TRAPPC14: variants seen among roughly 807,000 people sequenced by gnomAD.
TRAPPC14 encodes trafficking protein particle complex subunit 14.
Under a neutral mutation model 56.6 loss-of-function variants are expected in TRAPPC14, and 24 were observed. The observed-to-expected ratio is 0.42, with a 90% CI of 0.31 to 0.60. The LOEUF is 0.60. Among genes scored for constraint, TRAPPC14 ranks in the 20% least tolerant of loss-of-function variants. The pLI, the probability that TRAPPC14 is intolerant of heterozygous loss-of-function variation, is 0.14. For synonymous variants in TRAPPC14, 377 were observed against 347.0 expected, an observed-to-expected ratio of 1.09 and a Z score of -0.96; for missense variants, 615 against 790.3, an observed-to-expected ratio of 0.78 and a Z score of 2.66.
At position 100,155,362 on chromosome 7, in the gene TRAPPC14, T is replaced by C; in HGVS notation, c.1489A>G (p.Ser497Gly). The stretch of plus-strand genomic sequence containing the variant: ...ACCAAGTCCCGGACAGCAGGGCTGC[T>C]GGGGCTGCTCTTGCGGGAGAGGGGC... ...ARPLSRKSSP[S>G]SPAVRDLVER... Residue 497 changes from serine to glycine, a missense_variant, in exon 10 of 11, where the codon AGC (serine) becomes GGC (glycine). Transcript: ENST00000316937. 6.4e-7 allele frequency: 1 copy of C among 1,550,576 alleles called. No homozygotes were observed. The highest frequency in any genetic ancestry group is 2.4e-5 in the East Asian group (1 of 40,986).
chr7:100,157,302 C>T, intron 4 of TRAPPC14, 71 bp downstream of exon 4: 1 of 1,613,218 alleles, frequency 6.2e-7, no homozygotes, highest in Non-Finnish European at 8.5e-7. Flanking sequence ...CCCCACCAGC[C>T]TGCCCAGAGG....
intron 8 of TRAPPC14, chr7:100,156,094 G>T: frequency 1.5e-6 from 1 of 645,360 alleles, no homozygotes. Context: ...GAGAGGTTAA[G>T]TAACTTATTC....
Position 100,154,961 on chromosome 7 carries a change from TG to T in TRAPPC14, c.*49del, listed in dbSNP as rs769248116. On this transcript the variant is annotated 3_prime_UTR_variant, in exon 11 of 11. Transcript: ENST00000316937. ...ACAGCCCGGGAGCAGGGATCCCCTC[TG>T]GGGGCGTTGGGTCTCTGGAGTGTAA... The T allele has an allele frequency of 6.0e-5, 96 of 1,601,234 alleles. No homozygotes were observed. Among genetic ancestry groups the T allele is most frequent in the Non-Finnish European group, 8.2e-5 (96 of 1,168,582 alleles).
intron 1 of TRAPPC14, 70 bp from the exon 2 acceptor site, chr7:100,158,008 C>A (rs1425706930): frequency 2.8e-6 from 4 of 1,439,982 alleles, no homozygotes; most frequent in Non-Finnish European, 3.7e-6. Flanking sequence ...CCCTTTAAGA[C>A]CGGCAGTTCA....
rs768834556 is a variant in TRAPPC14 at position 100,158,371 on chromosome 7, A to G, written c.129T>C (p.Thr43=). The G allele has an allele frequency of 6.7e-7, 1 of 1,492,192 alleles. No individual in the cohort carries two copies. Among genetic ancestry groups the G allele is most frequent in the Non-Finnish European group, 8.9e-7 (1 of 1,124,080 alleles). The allele number at this position is 1,492,192 out of a possible 1,614,324, so 92.4% of individuals were successfully genotyped here. A position where few individuals can be genotyped will look rare whatever the true frequency, so the allele number is the denominator to read the frequency against. ...PRRNHLYLGE[T]VRFLLVLRCR... ...AGCGCAACACCAGCAGAAAACGGAC[A>G]GTCTCCCCCAAGTACAGATGGTTGC... The change falls in exon 1 of 11, where the codon ACT becomes ACC. Residue 43 remains threonine (T), a synonymous_variant. Transcript: ENST00000316937.
At chr7:100,157,981 G>A in intron 1 of TRAPPC14, 43 bp from the exon 2 acceptor site, 2 of 1,497,782 alleles carry the variant, frequency 1.3e-6, no homozygotes, top group South Asian at 1.3e-5. Context: ...GCAAGTCAGA[G>A]GCAGCCTGCA....
chr7:100,156,335 C>T lies in TRAPPC14; in HGVS notation c.1240+51G>A, dbSNP rs1348860720. On this transcript the variant is annotated intron_variant, in intron 8 of 10. Transcript: ENST00000316937. ...ACTGTCCTGCCTCCCTGACTTTTTC[C>T]TTTCTCTTCCCCTCCCTGGGGACCA... 11 of 1,592,846 alleles carry T rather than the reference C, an allele frequency of 6.9e-6. No individual in the cohort carries two copies. In the Admixed American group the frequency reaches 1.4e-4, roughly 20 times the overall value.
In TRAPPC14 at chr7:100,155,408, G is replaced by A; in HGVS notation, c.1443C>T (p.Ser481=). The A allele has an allele frequency of 6.5e-7, 1 of 1,543,304 alleles. No individual in the cohort carries two copies. The highest frequency in any genetic ancestry group is 8.7e-7 in the Non-Finnish European group (1 of 1,143,114). Residue 481 remains serine (S), a synonymous_variant, in exon 10 of 11, where the codon TCC becomes TCT. Transcript: ENST00000316937. ...KLKLQFTASV[S]HPPPEARPLS... ...GGGGCCGGGCCTCGGGTGGAGGGTGGGACACGCTGGCGGTGAACTGCAGCT... is the reference window on the plus strand; with the variant it reads ...GGGGCCGGGCCTCGGGTGGAGGGTGAGACACGCTGGCGGTGAACTGCAGCT...
Position 100,157,468 on chromosome 7 carries a change from G to A in TRAPPC14, c.638-9C>T, listed in dbSNP as rs201881237. ...AGTCAGCAGCGTGCTCACTGCGGGA[G>A]GGGGTGGGGGCAAGAAGTGATGGTC... On this transcript the variant is annotated splice_polypyrimidine_tract_variant and intron_variant, in intron 3 of 10. Coordinates refer to ENST00000316937, the MANE Select transcript of TRAPPC14 (RefSeq NM_018275.5). 9 of 1,610,996 alleles carry A rather than the reference G, an allele frequency of 5.6e-6. No homozygotes were observed. The Admixed American group carries it at 8.3e-5, about 15-fold the overall frequency.
At position 100,156,264 on chromosome 7, in the gene TRAPPC14, C is replaced by T. The variant is rs1014403068; in HGVS notation, c.1240+122G>A. 6.2e-6 allele frequency: 6 copies of T among 971,140 alleles called. No individual in the cohort carries two copies. In the Admixed American group the frequency reaches 1.4e-4, roughly 23 times the overall value. 60.2% of individuals were successfully genotyped at this position (971,140 alleles called of 1,614,324 possible). ...GGTACAGGGCGGAAGCCACCTGCCA[C>T]AAGTCGCCTCCTGTGATGGGGCTGG... is the stretch of plus-strand genomic sequence containing the variant. On this transcript the variant is annotated intron_variant, in intron 8 of 10. Transcript: ENST00000316937.
chr7:100,155,388 C>A lies in TRAPPC14; in HGVS notation c.1463G>T (p.Arg488Leu), dbSNP rs373416018. The A allele has an allele frequency of 1.9e-6, 3 of 1,547,780 alleles. No individual in the cohort carries two copies. Among genetic ancestry groups the A allele is most frequent in the Non-Finnish European group, 2.6e-6 (3 of 1,145,686 alleles). ...ASVSHPPPEA[R>L]PLSRKSSPSS... is the part of the protein sequence containing the mutation. ...GGGGCTGCTCTTGCGGGAGAGGGGC[C>A]GGGCCTCGGGTGGAGGGTGGGACAC... The change falls in exon 10 of 11, where the codon CGG becomes CTG. Residue 488 changes from arginine to leucine, a missense_variant. Transcript: ENST00000316937.
In TRAPPC14 at chr7:100,157,602, T is replaced by C. The variant is rs760448846; in HGVS notation, c.637+31A>G. The C allele has an allele frequency of 4.2e-5, 67 of 1,613,096 alleles. 1 individual carries two copies. The South Asian group carries it at 4.6e-4, about 11-fold the overall frequency. On this transcript the variant is annotated intron_variant, in intron 3 of 10. Coordinates refer to ENST00000316937, the MANE Select transcript of TRAPPC14 (RefSeq NM_018275.5). ...CCTCTGTCCCCCAATTCCCAGACTC[T>C]AGCCCTTTGCCTCTGCGCTGCCCTG...
Position 100,155,420 on chromosome 7 carries a change from G to A in TRAPPC14, c.1431C>T (p.Thr477=), listed in dbSNP as rs544128104. ...SQHMKLKLQF[T]ASVSHPPPEA... ...CGGGTGGAGGGTGGGACACGCTGGC[G>A]GTGAACTGCAGCTTCAGTTTCATGT... Residue 477 remains threonine (T), a synonymous_variant, in exon 10 of 11, where the codon ACC becomes ACT. Coordinates refer to ENST00000316937, the MANE Select transcript of TRAPPC14 (RefSeq NM_018275.5). 1.8e-5 allele frequency: 28 copies of A among 1,534,448 alleles called. No homozygotes were observed. The highest frequency in any genetic ancestry group is 1.2e-4 in the East Asian group (5 of 40,932).
At position 100,154,986 on chromosome 7, in the gene TRAPPC14, AAG is replaced by A; in HGVS notation, c.*23_*24del. ...TGGGGGCGTTGGGTCTCTGGAGTGT[AAG>A]AGGGAACAGAGCTGGCACGGTGCTA... On this transcript the variant is annotated 3_prime_UTR_variant, in exon 11 of 11. Transcript: ENST00000316937. 6.2e-7 allele frequency: 1 copy of A among 1,613,422 alleles called. No homozygotes were observed. Among genetic ancestry groups the A allele is most frequent in the Non-Finnish European group, 8.5e-7 (1 of 1,179,382 alleles).
Position 100,156,483 on chromosome 7 carries a change from C to T in TRAPPC14, c.1143G>A (p.Arg381=), listed in dbSNP as rs1204554321. 3.1e-6 allele frequency: 5 copies of T among 1,614,094 alleles called. No homozygotes were observed. Among genetic ancestry groups the T allele is most frequent in the Non-Finnish European group, 3.4e-6 (4 of 1,180,018 alleles). Residue 381 remains arginine, a synonymous_variant, in exon 8 of 11, where the codon CGG becomes CGA. Transcript: ENST00000316937. The part of the protein sequence containing the change: ...VMTASCKSPV[R]TYERFTVTYT... ...AGGTGACAGTGAAACGCTCGTAGGTCCGAACAGGGGACTTACAAGAAGCGG... is the reference window on the plus strand; with the variant it reads ...AGGTGACAGTGAAACGCTCGTAGGTTCGAACAGGGGACTTACAAGAAGCGG...
chr7:100,154,959 T>C lies in TRAPPC14; in HGVS notation c.*52A>G, dbSNP rs533264696. On this transcript the variant is annotated 3_prime_UTR_variant, in exon 11 of 11. Coordinates refer to ENST00000316937, the MANE Select transcript of TRAPPC14 (RefSeq NM_018275.5). ...GCACAGCCCGGGAGCAGGGATCCCC[T>C]CTGGGGGCGTTGGGTCTCTGGAGTG... The C allele has an allele frequency of 2.5e-6, 4 of 1,598,272 alleles. No individual in the cohort carries two copies. The South Asian group carries it at 4.4e-5, about 18-fold the overall frequency.
In TRAPPC14 at chr7:100,158,167, C is replaced by T. The variant is rs547098948; in HGVS notation, c.333G>A (p.Gly111=). 7 of 1,449,274 alleles carry T rather than the reference C, an allele frequency of 4.8e-6. No individual in the cohort carries two copies. In the South Asian group the frequency reaches 9.7e-5, roughly 20 times the overall value. 89.8% of individuals were successfully genotyped at this position (1,449,274 alleles called of 1,614,324 possible). The change falls in exon 1 of 11, where the codon GGG becomes GGA. Residue 111 remains glycine, a synonymous_variant. Transcript: ENST00000316937. ...TGCAGCCTCGGAACAAACCCCCACC[C>T]CCAGGATCCCCTCCCCCTGGGGGCT... The part of the protein sequence containing the change: ...DSEPPGGGDP[G]GGGLFRGCSP...
chr7:100,158,653 G>T lies in TRAPPC14; in HGVS notation c.-154C>A, dbSNP rs1798938975. The stretch of plus-strand genomic sequence containing the variant: ...GGCCCGGTCCCGGCACCGGGGCAAC[G>T]AACCCGAACCGAGACCCGGCAGCGC... On this transcript the variant is annotated 5_prime_UTR_variant, in exon 1 of 11. Transcript: ENST00000316937. 10 of 685,752 alleles carry T rather than the reference G, an allele frequency of 1.5e-5. No homozygotes were observed. The South Asian group carries it at 2.6e-4, about 18-fold the overall frequency. 42.5% of individuals were successfully genotyped at this position (685,752 alleles called of 1,614,324 possible).
chr7:100,155,772 C>A lies in TRAPPC14; in HGVS notation c.1294G>T (p.Val432Phe). The change falls in exon 9 of 11, where the codon GTC becomes TTC. Residue 432 changes from valine (V) to phenylalanine (F), a missense_variant. Val to Phe is a conservative substitution (Grantham distance 50). Coordinates refer to ENST00000316937, the MANE Select transcript of TRAPPC14 (RefSeq NM_018275.5). ...TTGTTGAGGGGCGTGTGGCAGACGA[C>A]GGAGTCCAGGGCAGCCTGCATGGCC... ...RRAMQAALDS[V>F]VCHTPLNNLG... 1 of 1,614,190 alleles carries A rather than the reference C, an allele frequency of 6.2e-7. No individual in the cohort carries two copies. Among genetic ancestry groups the A allele is most frequent in the South Asian group, 1.1e-5 (1 of 91,088 alleles).
Sources: allele counts gnomAD v4.1 joint callset, GRCh38; gene constraint gnomAD v4.1.1; transcripts MANE v1.5; gene names NCBI Gene and HGNC (gene_info 2026-07-23, HGNC 2026-07-21).